The following AAR2 variants were observed in gnomAD, a reference collection of about 807,000 sequenced individuals.
AAR2 encodes AAR2 splicing factor, also known as protein AAR2 homolog.
AAR2 carries 31 observed loss-of-function variants against 26.9 expected under a neutral mutation model. That is an observed-to-expected ratio of 1.15 (90% CI 0.86 to 1.55). The LOEUF (loss-of-function observed/expected upper bound fraction) is 1.55. AAR2 is among the 40% of genes most tolerant of loss of function. AAR2 has a pLI of 0.00. For synonymous variants in AAR2, 188 were observed against 196.1 expected (o/e 0.96, Z 0.34); for missense variants, 430 against 491.3 (o/e 0.88, Z 1.18).
chr20:36,252,996 A>G (rs560004354), intron 3 of AAR2, among the ~76,000 whole-genome samples: 3 of 152,108 alleles, frequency 2.0e-5, no homozygotes, highest in Non-Finnish European at 4.4e-5. Context: ...TTGATCTGGT[A>G]TTTTGTTGTG....
intron 2 of AAR2, among the ~76,000 whole-genome samples, chr20:36,244,053 G>C (rs1212798052): frequency 6.6e-6 from 1 of 152,228 alleles, no homozygotes; most frequent in Non-Finnish European, 1.5e-5. Flanking sequence ...TGGAGAATCT[G>C]TTTTATCTTT....
chr20:36,255,642 TCCAAGCTCACCTGA>T lies in AAR2; in HGVS notation c.1058_1071del (p.Ala353GlufsTer11). The stretch of plus-strand genomic sequence containing the variant: ...ACCCTGAGAAAGAAAGCTGAAAAGT[TCCAAGCTCACCTGA>T]CCAAGAAGTTCCGGTGGGACTTTGC... On this transcript the variant is annotated frameshift_variant, in exon 4 of 4. Coordinates refer to ENST00000320849, the MANE Select transcript of AAR2 (RefSeq NM_001271874.2). LOFTEE classifies it high-confidence loss of function. 1 of 1,614,182 alleles carries T rather than the reference TCCAAGCTCACCTGA, an allele frequency of 6.2e-7. No individual in the cohort carries two copies.
intron 3 of AAR2, among the ~76,000 whole-genome samples, chr20:36,246,735 T>C (rs1348003234): frequency 6.6e-6 from 1 of 152,216 alleles, no homozygotes; most frequent in East Asian, 1.9e-4. Flanking sequence ...AAGCAGAAAG[T>C]GCCCAGCTGG....
At chr20:36,243,244 G>A (rs2064701494) in intron 2 of AAR2, among the ~76,000 whole-genome samples, 1 of 152,110 alleles carries the variant, frequency 6.6e-6, no homozygotes, top group Non-Finnish European at 1.5e-5. Context: ...TGTCCTAAAC[G>A]CAAATAATAG....
intron 3 of AAR2, among the ~76,000 whole-genome samples, chr20:36,247,468 G>A (rs2064744980): frequency 6.6e-6 from 1 of 152,070 alleles, no homozygotes; most frequent in Non-Finnish European, 1.5e-5. Context: ...CTGTTCTCCA[G>A]CTTCTCTTTC....
intron 3 of AAR2, among the ~76,000 whole-genome samples, chr20:36,249,692 G>T (rs2064766419): frequency 6.6e-6 from 1 of 152,184 alleles, no homozygotes; most frequent in African/African-American, 2.4e-5. Flanking sequence ...TCACAACAGT[G>T]CTAGAAGCTA....
intron 1 of AAR2, among the ~76,000 whole-genome samples, chr20:36,239,613 G>A (rs576744326): frequency 1.3e-5 from 2 of 152,260 alleles, no homozygotes; most frequent in East Asian, 3.9e-4. Flanking sequence ...TGTGAAGTGA[G>A]TGTCCTTGCA....
intron 3 of AAR2, among the ~76,000 whole-genome samples, chr20:36,247,668 G>T (rs1432829194): frequency 1.3e-5 from 2 of 152,130 alleles, no homozygotes; most frequent in South Asian, 4.1e-4. Flanking sequence ...AGGAGTTAGA[G>T]ACCAGCCTGG....
chr20:36,239,017 G>A (rs1255339671), intron 1 of AAR2, among the ~76,000 whole-genome samples: 2 of 152,164 alleles, frequency 1.3e-5, no homozygotes, highest in Non-Finnish European at 2.9e-5. Context: ...CATTCTTGCC[G>A]ATATCCCAGA....
chr20:36,244,955 C>G (rs759785059), intron 3 of AAR2, 29 bp downstream of exon 3: 15 of 1,575,158 alleles, frequency 9.5e-6, no homozygotes, highest in Non-Finnish European at 1.3e-5. Flanking sequence ...TGAGCTGATG[C>G]ACATGTGGGT....
intron 3 of AAR2, among the ~76,000 whole-genome samples, chr20:36,247,895 G>A (rs2064749422): frequency 7.0e-6 from 1 of 143,570 alleles, no homozygotes; most frequent in African/African-American, 3.0e-5. Flanking sequence ...AAATAAAATT[G>A]TGGTAAAAAA....
rs1227539050 is a variant in AAR2, at chr20:36,256,858, CTT to C, written c.*1116_*1117del. The C allele has an allele frequency of 6.5e-6, 1 of 152,698 alleles. No homozygotes were observed. The highest frequency in any genetic ancestry group is 1.5e-5 in the Non-Finnish European group (1 of 68,064). 9.5% of individuals were successfully genotyped at this position (152,698 alleles called of 1,614,324 possible). A position where few individuals can be genotyped will look rare whatever the true frequency, so the allele number is the denominator to read the frequency against. ...GAATGAGAATCCCTGCTGGTTGAGA[CTT>C]TTGCTTCCACTTGTTTCCTTGGAGA... is the stretch of plus-strand genomic sequence containing the variant. On this transcript the variant is annotated 3_prime_UTR_variant, in exon 4 of 4. Coordinates refer to ENST00000320849, the MANE Select transcript of AAR2 (RefSeq NM_001271874.2).
chr20:36,246,970 T>C (rs1247340355), intron 3 of AAR2, among the ~76,000 whole-genome samples: 1 of 152,254 alleles, frequency 6.6e-6, no homozygotes, highest in Non-Finnish European at 1.5e-5. Flanking sequence ...CCAGGGTTCC[T>C]GCCCTCAAGG....
At chr20:36,248,954 G>A (rs1316097757) in intron 3 of AAR2, among the ~76,000 whole-genome samples, 2 of 151,958 alleles carry the variant, frequency 1.3e-5, no homozygotes, top group Non-Finnish European at 2.9e-5. Flanking sequence ...TCCACACAGA[G>A]GCATTCACTC....
At chr20:36,249,088 T>C (rs1247237211) in intron 3 of AAR2, among the ~76,000 whole-genome samples, 1 of 152,106 alleles carries the variant, frequency 6.6e-6, no homozygotes, top group African/African-American at 2.4e-5. Context: ...CTACTACCCA[T>C]GGAGAGGGAC....
chr20:36,244,751 T>C lies in AAR2; in HGVS notation c.812T>C (p.Phe271Ser). The C allele has an allele frequency of 6.2e-7, 1 of 1,614,150 alleles. No individual in the cohort carries two copies. Among genetic ancestry groups the C allele is most frequent in the Non-Finnish European group, 8.5e-7 (1 of 1,180,034 alleles). ...CFLLGNVYEA[F>S]EHWKRLLNLL... ...CTGCTGGGGAATGTGTACGAGGCATTTGAGCATTGGAAGCGGCTCCTGAAC... is the reference window on the plus strand; with the variant it reads ...CTGCTGGGGAATGTGTACGAGGCATCTGAGCATTGGAAGCGGCTCCTGAAC... The change falls in exon 3 of 4, where the codon TTT becomes TCT. Residue 271 changes from phenylalanine (F) to serine (S), a missense_variant. Physicochemically the swap from Phe to Ser is radical, Grantham distance 155. Coordinates refer to ENST00000320849, the MANE Select transcript of AAR2 (RefSeq NM_001271874.2).
At chr20:36,248,337 C>CTT (rs1395708568) in intron 3 of AAR2, among the ~76,000 whole-genome samples, 54 of 139,676 alleles carry the variant, frequency 3.9e-4, no homozygotes, top group Admixed American at 5.0e-4. Flanking sequence ...TCTTCTTCTT[C>CTT]TTTTTTTTTT....
rs2064823995 is a variant in AAR2 at position 36,256,634 on chromosome 20, A to G, written c.*889A>G. 6.6e-6 allele frequency: 1 copy of G among 152,262 alleles called. No homozygotes were observed. Among genetic ancestry groups the G allele is most frequent in the African/African-American group, 2.4e-5 (1 of 41,448 alleles). The allele number at this position is 152,262 out of a possible 1,614,324, so 9.4% of individuals were successfully genotyped here. ...GTGCTGAAGAAGACCTGGTCAGCCT[A>G]AATCTTCCCAGTCCCGCTGTGGAGC... On this transcript the variant is annotated 3_prime_UTR_variant, in exon 4 of 4. Coordinates refer to ENST00000320849, the MANE Select transcript of AAR2 (RefSeq NM_001271874.2).
In AAR2 at chr20:36,244,905, C is replaced by G. The variant is rs1227453472; in HGVS notation, c.966C>G (p.Asn322Lys). ...TCGTAGACATTGTCTCCCAAGACAA[C>G]TTCCTCACCAGCACCTTACAGGTGA... ...DFFVDIVSQDNFLTSTLQVFF... is the reference protein window; with the variant it reads ...DFFVDIVSQDKFLTSTLQVFF... Residue 322 changes from asparagine (N) to lysine (K), a missense_variant, in exon 3 of 4, where the codon AAC becomes AAG. Asn to Lys is a moderately conservative substitution (Grantham distance 94, BLOSUM62 0). Transcript: ENST00000320849. 6.2e-7 allele frequency: 1 copy of G among 1,613,982 alleles called. No individual in the cohort carries two copies. The highest frequency in any genetic ancestry group is 2.2e-5 in the East Asian group (1 of 44,892).
Sources: allele counts gnomAD v4.1 joint callset (sites outside exome capture counted in the v4.1 genomes callset), GRCh38; gene constraint gnomAD v4.1.1; transcripts MANE v1.5; gene names NCBI Gene and HGNC (gene_info 2026-07-23, HGNC 2026-07-21).